Variants in STK39 observed in about 807,000 individuals in gnomAD.
STK39 encodes STE20/SPS1-related proline-alanine-rich protein kinase.
A neutral mutation model predicts 77.8 loss-of-function variants in STK39; 20 were observed. The ratio of observed to expected loss-of-function variants is 0.26; its 90% CI spans 0.18 to 0.37. The LOEUF (loss-of-function observed/expected upper bound fraction) is 0.37, where lower values mean the gene tolerates loss of function less well. Ranked by LOEUF, STK39 falls within the 10% of genes least tolerant of loss-of-function variation. The pLI, the probability that STK39 is intolerant of heterozygous loss-of-function variation, is 1.00. For missense variants in STK39, 479 were observed against 656.5 expected (o/e 0.73, Z 2.95); for synonymous variants, 246 against 234.1 (o/e 1.05, Z -0.47).
chr2:168,242,501 A>G (rs1690783442), intron 1 of STK39, among the ~76,000 whole-genome samples: 1 of 143,876 alleles, frequency 7.0e-6, no homozygotes, highest in South Asian at 2.2e-4. Context: ...GTGAACTGAG[A>G]TGGCGCCACT....
At chr2:168,038,101 C>A (rs1299022623) in intron 14 of STK39, among the ~76,000 whole-genome samples, 1 of 151,946 alleles carries the variant, frequency 6.6e-6, no homozygotes, top group Non-Finnish European at 1.5e-5. Context: ...AGAAATGTTA[C>A]CTATAGTTAG....
At chr2:168,033,661 C>T (rs1017243716) in intron 14 of STK39, among the ~76,000 whole-genome samples, 2 of 152,180 alleles carry the variant, frequency 1.3e-5, no homozygotes, top group African/African-American at 4.8e-5. Flanking sequence ...TTGTAACAGC[C>T]TCTTTTCTGA....
At chr2:168,231,372 C>T (rs1690451225) in intron 1 of STK39, among the ~76,000 whole-genome samples, 1 of 151,946 alleles carries the variant, frequency 6.6e-6, no homozygotes, top group Admixed American at 6.6e-5. Flanking sequence ...AACATAATAA[C>T]AACAGAAAGG....
At chr2:168,115,112 T>A (rs561319706) in intron 10 of STK39, among the ~76,000 whole-genome samples, 1 of 152,142 alleles carries the variant, frequency 6.6e-6, no homozygotes, top group Non-Finnish European at 1.5e-5. Flanking sequence ...CCTAAAGTAC[T>A]GAAAGTCTCA....
At chr2:167,996,386 A>C (rs2105290206) in intron 16 of STK39, among the ~76,000 whole-genome samples, 1 of 152,324 alleles carries the variant, frequency 6.6e-6, no homozygotes, top group East Asian at 1.9e-4. Context: ...ATGTTTTATC[A>C]GTTTATTAAA....
In STK39 at chr2:167,956,622, A is replaced by T. The variant is rs550398676; in HGVS notation, c.1564-1052T>A. On this transcript the variant is annotated intron_variant, in intron 17 of 17. Transcript: ENST00000355999. ...AACCTCTCACTGGTCCTAATTAATA[A>T]GTTATTTCGTTTTTCTTGTGACCTC... Among the ~76,000 whole-genome samples the T allele has an allele frequency of 1.4e-4, 21 of 147,820 alleles. No individual in the cohort carries two copies. The South Asian group carries it at 4.5e-3, about 32-fold the overall frequency.
chr2:167,967,673 G>A (rs748351739), intron 16 of STK39, among the ~76,000 whole-genome samples: 19 of 152,142 alleles, frequency 1.2e-4, no homozygotes, highest in Non-Finnish European at 2.8e-4. Flanking sequence ...CATCCTAGGG[G>A]TAATCCACTG....
intron 5 of STK39, among the ~76,000 whole-genome samples, chr2:168,151,605 G>T (rs1688286538): frequency 6.6e-6 from 1 of 151,944 alleles, no homozygotes; most frequent in Non-Finnish European, 1.5e-5. Flanking sequence ...GTGTGGTGGT[G>T]GCACGTGCCT....
intron 10 of STK39, among the ~76,000 whole-genome samples, chr2:168,107,885 T>A (rs534506566): frequency 2.4e-4 from 37 of 152,232 alleles, no homozygotes; most frequent in Non-Finnish European, 4.8e-4. Flanking sequence ...ATCACTCACT[T>A]TATACGGACA....
At position 168,091,139 on chromosome 2, in the gene STK39, CACAA is replaced by C. The variant is rs1030710185; in HGVS notation, c.1090-15912_1090-15909del. On this transcript the variant is annotated intron_variant, in intron 10 of 17. Transcript: ENST00000355999. Reference sequence around the variant, plus strand: ...GAGACTTCAGATGTGAGGATAGAAACACAAACAGGTGCACACACACACACACACA... The same window carrying C: ...GAGACTTCAGATGTGAGGATAGAAACACAGGTGCACACACACACACACACA... Among the ~76,000 whole-genome samples the C allele has an allele frequency of 3.1e-5, 4 of 130,046 alleles. No homozygotes were observed. In the South Asian group the frequency reaches 7.8e-4, roughly 26 times the overall value. 85.3% of individuals were successfully genotyped at this position (130,046 alleles called of 152,430 possible).
chr2:167,983,413 C>T (rs989089913), intron 16 of STK39, among the ~76,000 whole-genome samples: 9 of 141,462 alleles, frequency 6.4e-5, no homozygotes, highest in South Asian at 2.3e-4. Context: ...CAGATTGCGC[C>T]GTTGCACTCC....
chr2:168,186,726 C>G (rs1049847982), intron 1 of STK39, among the ~76,000 whole-genome samples: 1 of 152,172 alleles, frequency 6.6e-6, no homozygotes, highest in Admixed American at 6.5e-5. Flanking sequence ...ATGTTAGGCT[C>G]TCTCTCTGGG....
At position 168,239,327 on chromosome 2, in the gene STK39, C is replaced by T. The variant is rs546905353; in HGVS notation, c.208+7901G>A. ...AGGGCAGTGTGGGACTTCCCCACTC[C>T]ACCCTACAATGTCTACGGATGCCAG... On this transcript the variant is annotated intron_variant, in intron 1 of 17. Coordinates refer to ENST00000355999, the MANE Select transcript of STK39 (RefSeq NM_013233.3). Among the ~76,000 whole-genome samples the T allele has an allele frequency of 3.3e-5, 5 of 152,278 alleles. No individual in the cohort carries two copies. In the East Asian group the frequency reaches 7.7e-4, roughly 24 times the overall value.
At chr2:168,108,045 C>G (rs141499687) in intron 10 of STK39, among the ~76,000 whole-genome samples, 2,846 of 152,314 alleles carry the variant, frequency 0.019, 48 homozygotes, top group Middle Eastern at 0.048. Context: ...CAAAATTCTA[C>G]TTACTACAGA....
At chr2:168,246,401 G>A (rs984570501) in intron 1 of STK39, among the ~76,000 whole-genome samples, 3 of 152,226 alleles carry the variant, frequency 2.0e-5, no homozygotes, top group African/African-American at 4.8e-5. Context: ...TGATATTTGT[G>A]AGCCGGCCAG....
At chr2:168,096,162 T>C (rs1686661811) in intron 10 of STK39, among the ~76,000 whole-genome samples, 1 of 152,360 alleles carries the variant, frequency 6.6e-6, no homozygotes, top group African/African-American at 2.4e-5. Flanking sequence ...TAAGTTATAT[T>C]GGCTGAGATT....
intron 10 of STK39, among the ~76,000 whole-genome samples, chr2:168,101,686 C>T (rs796842182): frequency 5.9e-5 from 9 of 151,932 alleles, no homozygotes; most frequent in African/African-American, 1.4e-4. Context: ...TGCAGGGGGC[C>T]GAGATCATGC....
intron 1 of STK39, among the ~76,000 whole-genome samples, chr2:168,238,783 T>C (rs1029414772): frequency 3.9e-5 from 6 of 152,218 alleles, no homozygotes; most frequent in Non-Finnish European, 5.9e-5. Context: ...GACTTTTTAA[T>C]TAATATATTG....
chr2:168,123,073 C>T (rs957785345), intron 10 of STK39, among the ~76,000 whole-genome samples: 1 of 152,204 alleles, frequency 6.6e-6, no homozygotes, highest in Non-Finnish European at 1.5e-5. Flanking sequence ...AACCCAACAT[C>T]ACTTCTGAGG....
Sources: allele counts gnomAD v4.1 joint callset (sites outside exome capture counted in the v4.1 genomes callset), GRCh38; gene constraint gnomAD v4.1.1; transcripts MANE v1.5; gene names NCBI Gene and HGNC (gene_info 2026-07-23, HGNC 2026-07-21).